The following SLC14A2 variants were observed in gnomAD, a reference collection of about 807,000 sequenced individuals.
The protein encoded by SLC14A2 is solute carrier family 14 member 2.
A neutral mutation model predicts 104.6 loss-of-function variants in SLC14A2; 91 were observed. The observed-to-expected ratio is 0.87, with a 90% CI of 0.73 to 1.04. The LOEUF is 1.04. Ranked by LOEUF, SLC14A2 falls within the 50% of genes least tolerant of loss-of-function variation. The probability of loss-of-function intolerance (pLI) is 0.00; values close to 1 mark genes in which losing one functional copy is unlikely to be tolerated. For missense variants in SLC14A2, 1,189 were observed against 1,156.0 expected, an observed-to-expected ratio of 1.03 and a Z score of -0.41; for synonymous variants, 476 against 466.4, an observed-to-expected ratio of 1.02 and a Z score of -0.27.
At chr18:45,319,673 T>A (rs2085165518) in intron 1 of SLC14A2, among the ~76,000 whole-genome samples, 1 of 152,250 alleles carries the variant, frequency 6.6e-6, no homozygotes, top group Non-Finnish European at 1.5e-5. Flanking sequence ...CTGGGTTAGA[T>A]GTTTTATTCC....
intron 1 of SLC14A2, among the ~76,000 whole-genome samples, chr18:45,355,268 A>C (rs1283207948): frequency 6.6e-6 from 1 of 152,160 alleles, no homozygotes; most frequent in Non-Finnish European, 1.5e-5. Flanking sequence ...ATATATCTCT[A>C]ATCCTATAGA....
intron 2 of SLC14A2, among the ~76,000 whole-genome samples, chr18:45,578,315 T>G (rs553443624): frequency 6.6e-6 from 1 of 152,366 alleles, no homozygotes; most frequent in South Asian, 2.1e-4. Flanking sequence ...TCATAATTGT[T>G]GACTTGTTTT....
chr18:45,311,953 A>C (rs16978341), intron 1 of SLC14A2, among the ~76,000 whole-genome samples: 39,097 of 152,106 alleles, frequency 0.26, 6,065 homozygotes, highest in African/African-American at 0.43. Context: ...TGCTGGAGAC[A>C]AGCTATGACT....
chr18:45,313,531 A>G (rs972083528), intron 1 of SLC14A2, among the ~76,000 whole-genome samples: 2 of 152,188 alleles, frequency 1.3e-5, no homozygotes, highest in African/African-American at 2.4e-5. Flanking sequence ...AGAATTAAAT[A>G]TCTTCTCCTT....
intron 2 of SLC14A2, among the ~76,000 whole-genome samples, chr18:45,491,217 A>G (rs1232329462): frequency 6.6e-6 from 1 of 152,226 alleles, no homozygotes; most frequent in Non-Finnish European, 1.5e-5. Context: ...ATGTTCATCA[A>G]TAGAGCAATG....
chr18:45,650,827 C>T (rs2045723140), intron 10 of SLC14A2, among the ~76,000 whole-genome samples: 1 of 152,102 alleles, frequency 6.6e-6, no homozygotes, highest in Non-Finnish European at 1.5e-5. Flanking sequence ...GAAACCTCCA[C>T]CTCCCAGGTT....
At chr18:45,331,975 G>A (rs548766294) in intron 1 of SLC14A2, among the ~76,000 whole-genome samples, 1 of 152,304 alleles carries the variant, frequency 6.6e-6, no homozygotes, top group African/African-American at 2.4e-5. Context: ...ACAATGAGAA[G>A]CCTCATCTCT....
At chr18:45,353,966 G>A (rs2085526940) in intron 1 of SLC14A2, among the ~76,000 whole-genome samples, 1 of 152,154 alleles carries the variant, frequency 6.6e-6, no homozygotes, top group African/African-American at 2.4e-5. Flanking sequence ...TCCAAGAAAG[G>A]CACGATGGTG....
Position 45,682,329 on chromosome 18 carries a change from C to T in SLC14A2, c.2573C>T (p.Pro858Leu), listed in dbSNP as rs779773763. The T allele has an allele frequency of 3.5e-5, 56 of 1,614,112 alleles. No individual in the cohort carries two copies. The highest frequency in any genetic ancestry group is 1.5e-4 in the South Asian group (14 of 91,084). Residue 858 changes from proline (P) to leucine (L), a missense_variant, in exon 20 of 20, where the codon CCG becomes CTG. By Grantham distance (98) the Pro-to-Leu change is moderately conservative (BLOSUM62 -3). Transcript: ENST00000255226. ...LANMLSVFGL[P>L]PCTWPFCLSA... ...GTTCTTTCTCTCCAGTTTGGATTGC[C>T]GCCCTGCACTTGGCCCTTCTGTCTC...
At chr18:45,511,034 T>C (rs530368742) in intron 2 of SLC14A2, among the ~76,000 whole-genome samples, 1 of 152,316 alleles carries the variant, frequency 6.6e-6, no homozygotes, top group East Asian at 1.9e-4. Context: ...CCACATCATA[T>C]GATTTGCAGA....
chr18:45,527,179 A>C (rs1291357450), intron 2 of SLC14A2, among the ~76,000 whole-genome samples: 1 of 152,186 alleles, frequency 6.6e-6, no homozygotes, highest in African/African-American at 2.4e-5. Flanking sequence ...TCTGTCCTGG[A>C]GAATTTAGGT....
At chr18:45,678,745 A>G (rs1347978134) in intron 18 of SLC14A2, among the ~76,000 whole-genome samples, 1 of 152,322 alleles carries the variant, frequency 6.6e-6, no homozygotes, top group Non-Finnish European at 1.5e-5. Context: ...TAACAGCTCA[A>G]TTCTGGCCCT....
rs781741838 is a variant in SLC14A2 at position 45,624,688 on chromosome 18, T to G, written c.24T>G (p.Pro8=). ...GAATGTCTGACCCCCACAGCAGTCCTCTCCTGCCAGAGCCACTTTCCAGCA... is the reference window on the plus strand; with the variant it reads ...GAATGTCTGACCCCCACAGCAGTCCGCTCCTGCCAGAGCCACTTTCCAGCA... The part of the protein sequence containing the change: MSDPHSS[P]LLPEPLSSRY... The change falls in exon 2 of 20, where the codon CCT becomes CCG. Residue 8 remains proline, a synonymous_variant. Coordinates refer to ENST00000255226, the MANE Select transcript of SLC14A2 (RefSeq NM_007163.4). The G allele has an allele frequency of 6.2e-7, 1 of 1,612,758 alleles. No individual in the cohort carries two copies. The highest frequency in any genetic ancestry group is 1.7e-5 in the Admixed American group (1 of 59,812).
intron 1 of SLC14A2, among the ~76,000 whole-genome samples, chr18:45,426,495 C>T (rs2086428511): frequency 6.6e-6 from 1 of 151,184 alleles, no homozygotes; most frequent in Non-Finnish European, 1.5e-5. Context: ...AGAGCACACC[C>T]TTGTATGTTT....
chr18:45,461,978 G>A (rs184765888), intron 1 of SLC14A2, among the ~76,000 whole-genome samples: 28 of 152,254 alleles, frequency 1.8e-4, no homozygotes, highest in East Asian at 1.2e-3. Flanking sequence ...AGAGGGTGGA[G>A]CAGAAAGCGT....
intron 11 of SLC14A2, among the ~76,000 whole-genome samples, chr18:45,665,688 CTTTTTTTT>C (rs146248418): frequency 1.4e-4 from 11 of 79,294 alleles, no homozygotes; most frequent in Non-Finnish European, 1.7e-4. Context: ...AACCAAGTTT[CTTTTTTTT>C]TTTTTTTTTT....
intron 1 of SLC14A2, among the ~76,000 whole-genome samples, chr18:45,307,417 C>CAAA (rs71373705): frequency 7.0e-5 from 4 of 57,420 alleles, no homozygotes; most frequent in African/African-American, 1.0e-4. Context: ...GACTCCATCT[C>CAAA]AAAAAAAAAA....
chr18:45,553,647 G>A (rs1256931676), intron 2 of SLC14A2, among the ~76,000 whole-genome samples: 1 of 152,184 alleles, frequency 6.6e-6, no homozygotes, highest in East Asian at 1.9e-4. Flanking sequence ...CAAGTTTAAT[G>A]AGTTATTCCT....
At chr18:45,488,250 T>C (rs913519996) in intron 2 of SLC14A2, among the ~76,000 whole-genome samples, 2 of 152,102 alleles carry the variant, frequency 1.3e-5, no homozygotes, top group African/African-American at 4.8e-5. Context: ...GGGTTGGATA[T>C]GGTGTGGACC....
Sources: allele counts gnomAD v4.1 joint callset (sites outside exome capture counted in the v4.1 genomes callset), GRCh38; gene constraint gnomAD v4.1.1; transcripts MANE v1.5; gene names NCBI Gene and HGNC (gene_info 2026-07-23, HGNC 2026-07-21).